Variants in SPATA31D3 observed in about 807,000 individuals in gnomAD.
The protein encoded by SPATA31D3 is SPATA31 subfamily D member 3, also known as spermatogenesis-associated protein 31D3.
For synonymous variants in SPATA31D3, 27 were observed against 107.8 expected, an observed-to-expected ratio of 0.25 and a Z score of 4.65; for missense variants, 91 against 297.9, an observed-to-expected ratio of 0.31 and a Z score of 5.11.
rs1340250011 is a variant in SPATA31D3, at chr9:81,949,697, C to A, written c.*1690C>A. The A allele has an allele frequency of 2.2e-6, 3 of 1,388,296 alleles. No homozygotes were observed. Among genetic ancestry groups the A allele is most frequent in the Non-Finnish European group, 3.1e-6 (3 of 980,482 alleles). The allele number at this position is 1,388,296 out of a possible 1,614,324, so 86.0% of individuals were successfully genotyped here. A position where few individuals can be genotyped will look rare whatever the true frequency, so the allele number is the denominator to read the frequency against. ...CAGGGCTATCCCTGCAACTACATGGCTCCCTCCTGCAAAGTGACATGTACC... is the reference window on the plus strand; with the variant it reads ...CAGGGCTATCCCTGCAACTACATGGATCCCTCCTGCAAAGTGACATGTACC... On this transcript the variant is annotated 3_prime_UTR_variant, in exon 4 of 4. Transcript: ENST00000445385.
rs2782405 is a variant in SPATA31D3 at position 81,949,195 on chromosome 9, C to G, written c.*1188C>G. ...ACCAGCTACAAAGAGAGTGAGCCCT[C>G]TAAGACCTAATGGAGGAGAGCTTGG... On this transcript the variant is annotated 3_prime_UTR_variant, in exon 4 of 4. Coordinates refer to ENST00000445385, the MANE Select transcript of SPATA31D3 (RefSeq NM_207416.3). 5 of 464,022 alleles carry G rather than the reference C, an allele frequency of 1.1e-5. No individual in the cohort carries two copies. The highest frequency in any genetic ancestry group is 6.3e-5 in the South Asian group (2 of 31,610). 28.7% of individuals were successfully genotyped at this position (464,022 alleles called of 1,614,324 possible). A position where few individuals can be genotyped will look rare whatever the true frequency, so the allele number is the denominator to read the frequency against.
rs1823933434 is a variant in SPATA31D3 at position 81,948,086 on chromosome 9, T to G, written c.*79T>G. 1 of 1,542,880 alleles carries G rather than the reference T, an allele frequency of 6.5e-7. No homozygotes were observed. Among genetic ancestry groups the G allele is most frequent in the African/African-American group, 1.4e-5 (1 of 70,820 alleles). ...TCAGAAGAGGATATTTCCAATTCCT[T>G]TTCCCATTTCTACCTTCCCTCCTCA... On this transcript the variant is annotated 3_prime_UTR_variant, in exon 4 of 4. Transcript: ENST00000445385.
chr9:81,949,419 A>G lies in SPATA31D3; in HGVS notation c.*1412A>G. 8.1e-6 allele frequency: 3 copies of G among 369,312 alleles called. No homozygotes were observed. The highest frequency in any genetic ancestry group is 1.1e-5 in the Non-Finnish European group (2 of 187,546). The allele number at this position is 369,312 out of a possible 1,614,324, so 22.9% of individuals were successfully genotyped here. On this transcript the variant is annotated 3_prime_UTR_variant, in exon 4 of 4. Coordinates refer to ENST00000445385, the MANE Select transcript of SPATA31D3 (RefSeq NM_207416.3). ...AACCCATCATAACATATGGAAAACA[A>G]GAAAGTTCCTAGGAAAAGGGTAGCT...
In SPATA31D3 at chr9:81,945,814, T is replaced by G; in HGVS notation, c.561T>G (p.Pro187=). Reference sequence around the variant, plus strand: ...AAGACCTAATATTGTCCTCTCGGCCTAAGCCCTCTCCACCACCCCCCTTAA... The same window carrying G: ...AAGACCTAATATTGTCCTCTCGGCCGAAGCCCTCTCCACCACCCCCCTTAA... ...TPEDLILSSR[P]KPSPPPPLIL... is the part of the protein sequence containing the mutation. Residue 187 remains proline, a synonymous_variant, in exon 4 of 4, where the codon CCT becomes CCG. Coordinates refer to ENST00000445385, the MANE Select transcript of SPATA31D3 (RefSeq NM_207416.3). 1.1e-4 allele frequency: 2 copies of G among 17,938 alleles called. No individual in the cohort carries two copies. The highest frequency in any genetic ancestry group is 2.8e-3 in the African/African-American group (2 of 704). The allele number at this position is 17,938 out of a possible 1,614,324, so 1.1% of individuals were successfully genotyped here.
Position 81,949,286 on chromosome 9 carries a change from C to A in SPATA31D3, c.*1279C>A. On this transcript the variant is annotated 3_prime_UTR_variant, in exon 4 of 4. Transcript: ENST00000445385. The stretch of plus-strand genomic sequence containing the variant: ...AAGAGCCATGCTATTCATAACAAGA[C>A]ATCAAGGGAGTCGCTTGGGAGCAAA... 2.7e-6 allele frequency: 1 copy of A among 376,954 alleles called. No homozygotes were observed. Among genetic ancestry groups the A allele is most frequent in the Non-Finnish European group, 5.1e-6 (1 of 194,874 alleles). 23.4% of individuals were successfully genotyped at this position (376,954 alleles called of 1,614,324 possible). A position where few individuals can be genotyped will look rare whatever the true frequency, so the allele number is the denominator to read the frequency against.
At position 81,945,736 on chromosome 9, in the gene SPATA31D3, T is replaced by C. The variant is rs1462882823; in HGVS notation, c.483T>C (p.Ser161=). The C allele has an allele frequency of 4.6e-5, 3 of 65,582 alleles. No homozygotes were observed. The highest frequency in any genetic ancestry group is 4.0e-3 in the Middle Eastern group (1 of 252). 4.1% of individuals were successfully genotyped at this position (65,582 alleles called of 1,614,324 possible). ...PSVSPLASSA[S]GAESSFTLAS... ...TGTCCCCTTTGGCTTCTTCAGCTTCTGGGGCTGAGTCATCGTTCACTCTGG... is the reference window on the plus strand; with the variant it reads ...TGTCCCCTTTGGCTTCTTCAGCTTCCGGGGCTGAGTCATCGTTCACTCTGG... Residue 161 remains serine, a synonymous_variant, in exon 4 of 4, where the codon TCT becomes TCC. Coordinates refer to ENST00000445385, the MANE Select transcript of SPATA31D3 (RefSeq NM_207416.3).
At position 81,949,860 on chromosome 9, in the gene SPATA31D3, A is replaced by G. The variant is rs1437477551; in HGVS notation, c.*1853A>G. ...ATTGTGTCAAAGGCATCCCCAATCC[A>G]TGCCCCACAGGAAGCCTGTGCCACA... On this transcript the variant is annotated 3_prime_UTR_variant, in exon 4 of 4. Transcript: ENST00000445385. The G allele has an allele frequency of 3.4e-6, 3 of 882,870 alleles. No individual in the cohort carries two copies. Among genetic ancestry groups the G allele is most frequent in the Non-Finnish European group, 5.5e-6 (3 of 550,422 alleles). The allele number at this position is 882,870 out of a possible 1,614,324, so 54.7% of individuals were successfully genotyped here.
Position 81,949,734 on chromosome 9 carries a change from C to T in SPATA31D3, c.*1727C>T. ...AAGTGACATGTACCAAATCTTGCAG[C>T]CAACAAGCTATCTTTGTCGGCCAGA... On this transcript the variant is annotated 3_prime_UTR_variant, in exon 4 of 4. Coordinates refer to ENST00000445385, the MANE Select transcript of SPATA31D3 (RefSeq NM_207416.3). 7.1e-7 allele frequency: 1 copy of T among 1,408,882 alleles called. No homozygotes were observed. Among genetic ancestry groups the T allele is most frequent in the Non-Finnish European group, 1.0e-6 (1 of 998,308 alleles). The allele number at this position is 1,408,882 out of a possible 1,614,324, so 87.3% of individuals were successfully genotyped here. A position where few individuals can be genotyped will look rare whatever the true frequency, so the allele number is the denominator to read the frequency against.
At position 81,949,572 on chromosome 9, in the gene SPATA31D3, T is replaced by A. The variant is rs193002508; in HGVS notation, c.*1565T>A. On this transcript the variant is annotated 3_prime_UTR_variant, in exon 4 of 4. Transcript: ENST00000445385. ...TAGAAGAGAAGCTGGGGCATAGACA[T>A]TGAATAGATATCACCTGTCCCCAGG... 1.8e-5 allele frequency: 11 copies of A among 621,454 alleles called. No homozygotes were observed. In the East Asian group the frequency reaches 2.4e-4, roughly 13 times the overall value. The allele number at this position is 621,454 out of a possible 1,614,324, so 38.5% of individuals were successfully genotyped here.
rs1824001739 is a variant in SPATA31D3, at chr9:81,949,858, C to G, written c.*1851C>G. 2 of 889,320 alleles carry G rather than the reference C, an allele frequency of 2.2e-6. No homozygotes were observed. Among genetic ancestry groups the G allele is most frequent in the Non-Finnish European group, 3.6e-6 (2 of 555,560 alleles). The allele number at this position is 889,320 out of a possible 1,614,324, so 55.1% of individuals were successfully genotyped here. On this transcript the variant is annotated 3_prime_UTR_variant, in exon 4 of 4. Transcript: ENST00000445385. The stretch of plus-strand genomic sequence containing the variant: ...ATATTGTGTCAAAGGCATCCCCAAT[C>G]CATGCCCCACAGGAAGCCTGTGCCA...
At position 81,949,797 on chromosome 9, in the gene SPATA31D3, C is replaced by T. The variant is rs1367792242; in HGVS notation, c.*1790C>T. 2 of 1,264,320 alleles carry T rather than the reference C, an allele frequency of 1.6e-6. No homozygotes were observed. Among genetic ancestry groups the T allele is most frequent in the Non-Finnish European group, 1.2e-6 (1 of 869,276 alleles). The allele number at this position is 1,264,320 out of a possible 1,614,324, so 78.3% of individuals were successfully genotyped here. A position where few individuals can be genotyped will look rare whatever the true frequency, so the allele number is the denominator to read the frequency against. On this transcript the variant is annotated 3_prime_UTR_variant, in exon 4 of 4. Transcript: ENST00000445385. ...TGATTAGACAGATCATAGACAAGGA[C>T]AGATAGCCCCAGGAAGTTGGACATT...
Position 81,945,771 on chromosome 9 carries a change from C to T in SPATA31D3, c.518C>T (p.Pro173Leu), listed in dbSNP as rs1303648819. Reference sequence around the variant, plus strand: ...TCATCGTTCACTCTGGCTTCCACCCCCTCAGCAACCACTCCAGAAGACCTA... The same window carrying T: ...TCATCGTTCACTCTGGCTTCCACCCTCTCAGCAACCACTCCAGAAGACCTA... ...AESSFTLASTPSATTPEDLIL... is the reference protein window; with the variant it reads ...AESSFTLASTLSATTPEDLIL... Residue 173 changes from proline to leucine, a missense_variant, in exon 4 of 4, where the codon CCC becomes CTC. By Grantham distance (98) the Pro-to-Leu change is moderately conservative. Transcript: ENST00000445385. 4.4e-5 allele frequency: 2 copies of T among 45,868 alleles called. No homozygotes were observed. Among genetic ancestry groups the T allele is most frequent in the Admixed American group, 2.8e-4 (1 of 3,628 alleles). The allele number at this position is 45,868 out of a possible 1,614,324, so 2.8% of individuals were successfully genotyped here.
chr9:81,950,044 T>A lies in SPATA31D3; in HGVS notation c.*2037T>A, dbSNP rs1260636032. 1 of 314,774 alleles carries A rather than the reference T, an allele frequency of 3.2e-6. No homozygotes were observed. The highest frequency in any genetic ancestry group is 5.9e-6 in the Non-Finnish European group (1 of 169,128). The allele number at this position is 314,774 out of a possible 1,614,324, so 19.5% of individuals were successfully genotyped here. A position where few individuals can be genotyped will look rare whatever the true frequency, so the allele number is the denominator to read the frequency against. On this transcript the variant is annotated 3_prime_UTR_variant, in exon 4 of 4. Transcript: ENST00000445385. ...AATTTCCCCCCAAAAAATAATTAACTCCTTGTTGAGAATCTTGACTCTCCC... is the reference window on the plus strand; with the variant it reads ...AATTTCCCCCCAAAAAATAATTAACACCTTGTTGAGAATCTTGACTCTCCC...
chr9:81,947,849 A>G lies in SPATA31D3; in HGVS notation c.2596A>G (p.Ser866Gly), dbSNP rs769268342. The G allele has an allele frequency of 1.3e-5, 21 of 1,609,946 alleles. No homozygotes were observed. Among genetic ancestry groups the G allele is most frequent in the Non-Finnish European group, 1.6e-5 (19 of 1,178,600 alleles). The change falls in exon 4 of 4, where the codon AGC becomes GGC. Residue 866 changes from serine to glycine, a missense_variant. Transcript: ENST00000445385. Reference protein sequence around the residue: ...QTICLPEKSHSQIKHRNLAAL... With the variant: ...QTICLPEKSHGQIKHRNLAAL... The stretch of plus-strand genomic sequence containing the variant: ...AATATGTCTTCCTGAGAAATCCCAC[A>G]GCCAAATTAAACATCGAAATTTGGC...
chr9:81,949,229 A>ATCCCC lies in SPATA31D3; in HGVS notation c.*1223_*1224insCCCCT, dbSNP rs1564154427. On this transcript the variant is annotated 3_prime_UTR_variant, in exon 4 of 4. Coordinates refer to ENST00000445385, the MANE Select transcript of SPATA31D3 (RefSeq NM_207416.3). The stretch of plus-strand genomic sequence containing the variant: ...AATGGAGGAGAGCTTGGTGGAGGGG[A>ATCCCC]TGCAGGGCTGGGGACATCCCAACTC... The ATCCCC allele has an allele frequency of 2.4e-6, 1 of 415,620 alleles. No homozygotes were observed. 25.7% of individuals were successfully genotyped at this position (415,620 alleles called of 1,614,324 possible). A position where few individuals can be genotyped will look rare whatever the true frequency, so the allele number is the denominator to read the frequency against.
In SPATA31D3 at chr9:81,949,505, C is replaced by G; in HGVS notation, c.*1498C>G. The G allele has an allele frequency of 1.9e-6, 1 of 538,784 alleles. No homozygotes were observed. Among genetic ancestry groups the G allele is most frequent in the Non-Finnish European group, 3.5e-6 (1 of 287,744 alleles). 33.4% of individuals were successfully genotyped at this position (538,784 alleles called of 1,614,324 possible). On this transcript the variant is annotated 3_prime_UTR_variant, in exon 4 of 4. Transcript: ENST00000445385. ...AAAAGTAGAGCTGTCTTTACTGGGACTATTGAAGCTCAGAAAATTAGGAAA... is the reference window on the plus strand; with the variant it reads ...AAAAGTAGAGCTGTCTTTACTGGGAGTATTGAAGCTCAGAAAATTAGGAAA...
In SPATA31D3 at chr9:81,949,803, G is replaced by A; in HGVS notation, c.*1796G>A. On this transcript the variant is annotated 3_prime_UTR_variant, in exon 4 of 4. Coordinates refer to ENST00000445385, the MANE Select transcript of SPATA31D3 (RefSeq NM_207416.3). ...GACAGATCATAGACAAGGACAGATA[G>A]CCCCAGGAAGTTGGACATTTAAGGG... 8.0e-7 allele frequency: 1 copy of A among 1,252,608 alleles called. No homozygotes were observed. Among genetic ancestry groups the A allele is most frequent in the Non-Finnish European group, 1.2e-6 (1 of 859,688 alleles). The allele number at this position is 1,252,608 out of a possible 1,614,324, so 77.6% of individuals were successfully genotyped here.
Position 81,949,638 on chromosome 9 carries a change from T to C in SPATA31D3, c.*1631T>C, listed in dbSNP as rs1823987334. 1.1e-6 allele frequency: 1 copy of C among 872,034 alleles called. No homozygotes were observed. Among genetic ancestry groups the C allele is most frequent in the Non-Finnish European group, 1.9e-6 (1 of 523,698 alleles). The allele number at this position is 872,034 out of a possible 1,614,324, so 54.0% of individuals were successfully genotyped here. A position where few individuals can be genotyped will look rare whatever the true frequency, so the allele number is the denominator to read the frequency against. On this transcript the variant is annotated 3_prime_UTR_variant, in exon 4 of 4. Transcript: ENST00000445385. ...CAGTGCAGCTTGGGAAATCTCAGAA[T>C]GTGCCAGAACTGCAGGTCAGAGCAG...
rs1823986997 is a variant in SPATA31D3, at chr9:81,949,626, GA to G, written c.*1622del. On this transcript the variant is annotated 3_prime_UTR_variant, in exon 4 of 4. Transcript: ENST00000445385. ...CCCTTTCCTCCCCAGTGCAGCTTGG[GA>G]AATCTCAGAATGTGCCAGAACTGCA... The G allele has an allele frequency of 3.7e-6, 3 of 808,542 alleles. No individual in the cohort carries two copies. Among genetic ancestry groups the G allele is most frequent in the Admixed American group, 1.9e-5 (1 of 52,366 alleles). The allele number at this position is 808,542 out of a possible 1,614,324, so 50.1% of individuals were successfully genotyped here.
Sources: allele counts gnomAD v4.1 joint callset, GRCh38; gene constraint gnomAD v4.1.1; transcripts MANE v1.5; gene names NCBI Gene and HGNC (gene_info 2026-07-23, HGNC 2026-07-21).